The following SEMA3A variants were observed in gnomAD, a reference collection of about 807,000 sequenced individuals.
The protein encoded by SEMA3A is semaphorin 3A.
SEMA3A carries 29 observed loss-of-function variants against 97.9 expected under a neutral mutation model. That is an observed-to-expected ratio of 0.30 (90% CI 0.22 to 0.40). The LOEUF (loss-of-function observed/expected upper bound fraction) is 0.40. SEMA3A is among the 10% of genes least tolerant of loss of function. The probability of loss-of-function intolerance (pLI) is 1.00; values close to 1 mark genes in which losing one functional copy is unlikely to be tolerated. For missense variants in SEMA3A, 763 were observed against 951.3 expected, an observed-to-expected ratio of 0.80 and a Z score of 2.60; for synonymous variants, 321 against 323.7, an observed-to-expected ratio of 0.99 and a Z score of 0.09.
intron 12 of SEMA3A, among the ~76,000 whole-genome samples, chr7:83,988,810 G>C (rs868149034): frequency 4.0e-5 from 6 of 150,474 alleles, no homozygotes; most frequent in East Asian, 2.0e-4. Flanking sequence ...TTAGAATTTA[G>C]TGGCCACAAA....
intron 3 of SEMA3A, among the ~76,000 whole-genome samples, chr7:84,218,738 T>G (rs1479622142): frequency 6.6e-6 from 1 of 152,120 alleles, no homozygotes; most frequent in East Asian, 1.9e-4. Context: ...TAGCATGACC[T>G]TATCTTCCTA....
In SEMA3A at chr7:83,957,330, C is replaced by G. The variant is rs1788310810; in HGVS notation, c.*4041G>C. 6.6e-6 allele frequency: 1 copy of G among 152,068 alleles called. No homozygotes were observed. Among genetic ancestry groups the G allele is most frequent in the African/African-American group, 2.4e-5 (1 of 41,422 alleles). 9.4% of individuals were successfully genotyped at this position (152,068 alleles called of 1,614,324 possible). On this transcript the variant is annotated 3_prime_UTR_variant, in exon 17 of 17. Transcript: ENST00000265362. ...GTTATGTCTTATTCACTTTAGTGTC[C>G]TCATCACCTAACATAATACCTAGCA...
At chr7:84,074,372 T>G (rs1793862660) in intron 4 of SEMA3A, among the ~76,000 whole-genome samples, 1 of 152,164 alleles carries the variant, frequency 6.6e-6, no homozygotes, top group South Asian at 2.1e-4. Context: ...TGTGGGAAGA[T>G]GCAAAGAAAT....
At chr7:84,066,782 A>G (rs1436353527) in intron 4 of SEMA3A, among the ~76,000 whole-genome samples, 3 of 152,132 alleles carry the variant, frequency 2.0e-5, no homozygotes, top group Non-Finnish European at 4.4e-5. Context: ...GGATACAAAC[A>G]AATCGAAGAA....
intron 3 of SEMA3A, among the ~76,000 whole-genome samples, chr7:84,273,280 T>C (rs902635215): frequency 2.0e-5 from 3 of 152,116 alleles, no homozygotes; most frequent in African/African-American, 4.8e-5. Flanking sequence ...AATAGAAATA[T>C]ATCAGCAACA....
At chr7:84,366,904 T>G (rs1047677010) in intron 2 of SEMA3A, among the ~76,000 whole-genome samples, 1 of 151,274 alleles carries the variant, frequency 6.6e-6, no homozygotes, top group African/African-American at 2.4e-5. Context: ...TCTCACTTGA[T>G]TCTATAGGCA....
intron 1 of SEMA3A, among the ~76,000 whole-genome samples, chr7:84,486,946 C>T (rs1046614147): frequency 4.6e-5 from 7 of 151,768 alleles, no homozygotes; most frequent in Non-Finnish European, 8.8e-5. Flanking sequence ...AGAATACTAA[C>T]GATTCCTCTC....
chr7:83,983,618 G>A (rs1410673976), intron 13 of SEMA3A, among the ~76,000 whole-genome samples: 1 of 152,016 alleles, frequency 6.6e-6, no homozygotes, highest in African/African-American at 2.4e-5. Flanking sequence ...CCTGAACTGT[G>A]ATAAAATGCC....
intron 12 of SEMA3A, among the ~76,000 whole-genome samples, chr7:83,999,697 A>G (rs1266763677): frequency 6.6e-6 from 1 of 152,120 alleles, no homozygotes; most frequent in Non-Finnish European, 1.5e-5. Context: ...CTGTTTTAAA[A>G]ATGTATTATA....
At position 84,363,711 on chromosome 7, in the gene SEMA3A, G is replaced by A. The variant is rs902574305; in HGVS notation, c.-169+8113C>T. Among the ~76,000 whole-genome samples the A allele has an allele frequency of 4.6e-5, 7 of 151,910 alleles. No homozygotes were observed. In the East Asian group the frequency reaches 1.4e-3, roughly 29 times the overall value. ...TCTGCTCCTCTTCTATAGCAGCTGTGCTCTTTTTGTGATATTGTTATCAAT... is the reference window on the plus strand; with the variant it reads ...TCTGCTCCTCTTCTATAGCAGCTGTACTCTTTTTGTGATATTGTTATCAAT... On this transcript the variant is annotated intron_variant, in intron 2 of 3. Transcript: ENST00000424555.
chr7:84,174,693 A>C (rs2116216398), intron 1 of SEMA3A, among the ~76,000 whole-genome samples: 1 of 152,332 alleles, frequency 6.6e-6, no homozygotes, highest in Admixed American at 6.5e-5. Flanking sequence ...GTTTTTATCC[A>C]AATCATGTAT....
chr7:84,117,144 T>C (rs1795457014), intron 3 of SEMA3A, among the ~76,000 whole-genome samples: 1 of 152,160 alleles, frequency 6.6e-6, no homozygotes, highest in Non-Finnish European at 1.5e-5. Context: ...TATCGTAATC[T>C]TCCCAAATAT....
intron 3 of SEMA3A, among the ~76,000 whole-genome samples, chr7:84,203,518 A>AT (rs1562850324): frequency 6.6e-4 from 32 of 48,584 alleles, no homozygotes; most frequent in African/African-American, 1.8e-3. Context: ...ATATATATAT[A>AT]TATATATATT....
chr7:83,993,952 C>T (rs1378903906), intron 12 of SEMA3A, among the ~76,000 whole-genome samples: 16 of 122,188 alleles, frequency 1.3e-4, no homozygotes, highest in African/African-American at 4.1e-4. Flanking sequence ...TTCAGGTACA[C>T]CAATCAGACG....
At chr7:84,425,504 A>G (rs1195888872) in intron 1 of SEMA3A, among the ~76,000 whole-genome samples, 2 of 143,166 alleles carry the variant, frequency 1.4e-5, no homozygotes. Flanking sequence ...TATGCATATA[A>G]TATATTCATA....
Position 84,432,263 on chromosome 7 carries a change from T to G in SEMA3A, c.-246+60197A>C, listed in dbSNP as rs80327710. 5.8e-3 allele frequency among the ~76,000 whole-genome samples: 889 copies of G among 152,264 alleles called. 11 individuals are homozygous for G. The highest frequency in any genetic ancestry group is 0.02 in the African/African-American group (836 of 41,574). On this transcript the variant is annotated intron_variant, in intron 1 of 3. Coordinates refer to the SEMA3A transcript ENST00000424555. Reference sequence around the variant, plus strand: ...GAGAGAAAAACAGAATCAACATATGTAGATAAATATTCCATTTCCAGTAGT... The same window carrying G: ...GAGAGAAAAACAGAATCAACATATGGAGATAAATATTCCATTTCCAGTAGT...
intron 6 of SEMA3A, among the ~76,000 whole-genome samples, chr7:84,018,184 C>CATTT (rs1791181319): frequency 6.6e-6 from 1 of 152,124 alleles, no homozygotes; most frequent in Admixed American, 6.5e-5. Flanking sequence ...GGACCAAAGC[C>CATTT]ATTTAGCAAT....
chr7:84,323,074 A>C (rs1239703603), intron 2 of SEMA3A, among the ~76,000 whole-genome samples: 1 of 152,214 alleles, frequency 6.6e-6, no homozygotes. Context: ...TCAGTGTATA[A>C]TGAAGATTAA....
rs369147483 is a variant in SEMA3A at position 84,444,465 on chromosome 7, A to AT, written c.-246+47994dup. ...CTTCAATTAGAGCACAAACAAATTA[A>AT]TTTTTTTCTTTACAAATTAAATTAG... On this transcript the variant is annotated intron_variant, in intron 1 of 3. Transcript: ENST00000424555. Among the ~76,000 whole-genome samples, 560 of 151,412 alleles carry AT rather than the reference A, an allele frequency of 3.7e-3. 2 individuals are homozygous for AT. The highest frequency in any genetic ancestry group is 0.013 in the African/African-American group (535 of 41,244).
Sources: allele counts gnomAD v4.1 joint callset (sites outside exome capture counted in the v4.1 genomes callset), GRCh38; gene constraint gnomAD v4.1.1; transcripts MANE v1.5; gene names NCBI Gene and HGNC (gene_info 2026-07-23, HGNC 2026-07-21).